Variants in DIAPH2 observed in about 807,000 individuals in gnomAD.
The protein encoded by DIAPH2 is diaphanous related formin 2, also known as protein diaphanous homolog 2.
DIAPH2 carries 35 observed loss-of-function variants against 92.7 expected under a neutral mutation model. The ratio of observed to expected loss-of-function variants is 0.38; its 90% CI spans 0.29 to 0.50. DIAPH2 has a LOEUF of 0.50. Ranked by LOEUF, DIAPH2 falls within the 20% of genes least tolerant of loss-of-function variation. DIAPH2 has a pLI of 0.94. For missense variants in DIAPH2, 701 were observed against 819.5 expected (o/e 0.86, Z 1.77); for synonymous variants, 301 against 280.4 (o/e 1.07, Z -0.73).
intron 17 of DIAPH2, among the ~76,000 whole-genome samples, chrX:97,059,558 A>G (rs1451820886): frequency 1.8e-5 from 2 of 112,308 alleles, no homozygotes; most frequent in Non-Finnish European, 3.8e-5. Flanking sequence ...ATAGTCTACT[A>G]TTGACCAAAA....
chrX:97,532,211 G>A (rs61288560), intron 26 of DIAPH2, among the ~76,000 whole-genome samples: 1 of 112,798 alleles, frequency 8.9e-6, no homozygotes, highest in Admixed American at 9.4e-5. Context: ...TTGCACAGAA[G>A]TACACTTAAA....
chrX:97,357,671 C>T (rs968066912), intron 24 of DIAPH2, among the ~76,000 whole-genome samples: 2 of 111,549 alleles, frequency 1.8e-5, no homozygotes, highest in African/African-American at 3.3e-5. Context: ...GTGCTGATCT[C>T]GAAGGATATG....
At chrX:97,020,083 C>T (rs994257543) in intron 17 of DIAPH2, among the ~76,000 whole-genome samples, 2 of 112,639 alleles carry the variant, frequency 1.8e-5, no homozygotes, top group African/African-American at 6.4e-5. Context: ...CTTGGCTATG[C>T]AGTGCTGCAG....
chrX:96,987,584 C>T (rs1480236999), intron 17 of DIAPH2, among the ~76,000 whole-genome samples: 3 of 111,201 alleles, frequency 2.7e-5, no homozygotes, highest in African/African-American at 3.3e-5. Flanking sequence ...TCAGGAATCT[C>T]CTAGGATCCA....
At chrX:97,453,524 A>G (rs936936632) in intron 26 of DIAPH2, among the ~76,000 whole-genome samples, 1 of 111,407 alleles carries the variant, frequency 9.0e-6, no homozygotes, top group Non-Finnish European at 1.9e-5. Context: ...CATTCTTTGA[A>G]CAAATATTTT....
chrX:97,075,551 A>T (rs1473267532), intron 19 of DIAPH2, among the ~76,000 whole-genome samples: 1 of 111,679 alleles, frequency 9.0e-6, no homozygotes, highest in Non-Finnish European at 1.9e-5. Context: ...ATACAATTAC[A>T]TGTACTTCAT....
intron 23 of DIAPH2, among the ~76,000 whole-genome samples, chrX:97,307,648 C>G (rs887916104): frequency 2.7e-5 from 3 of 110,750 alleles, no homozygotes; most frequent in Non-Finnish European, 5.7e-5. Flanking sequence ...GTGGCTCACT[C>G]CTATAATCCC....
chrX:97,154,232 G>A (rs1410913579), intron 22 of DIAPH2, among the ~76,000 whole-genome samples: 4 of 111,442 alleles, frequency 3.6e-5, no homozygotes, highest in South Asian at 3.7e-4. Context: ...TAGAAAAGGA[G>A]ACTGAGGCTC....
chrX:97,285,383 C>CAAAAAAA (rs11336007), intron 23 of DIAPH2, among the ~76,000 whole-genome samples: 10 of 38,121 alleles, frequency 2.6e-4, no homozygotes, highest in Non-Finnish European at 2.9e-4. Flanking sequence ...ACTAAAAATA[C>CAAAAAAA]AAAAAAAAAA....
At chrX:97,516,676 A>C (rs2147842310) in intron 26 of DIAPH2, among the ~76,000 whole-genome samples, 1 of 112,039 alleles carries the variant, frequency 8.9e-6, no homozygotes, top group Non-Finnish European at 1.9e-5. Context: ...TTGTCTGATT[A>C]TACCTGTGGC....
intron 5 of DIAPH2, among the ~76,000 whole-genome samples, chrX:96,908,879 G>A (rs962427967): frequency 4.5e-5 from 5 of 111,968 alleles, no homozygotes; most frequent in African/African-American, 9.7e-5. Context: ...GATTACAGGC[G>A]TGAGCCACCG....
intron 22 of DIAPH2, among the ~76,000 whole-genome samples, chrX:97,170,811 A>G (rs773756768): frequency 3.6e-5 from 4 of 111,432 alleles, no homozygotes; most frequent in African/African-American, 1.3e-4. Context: ...TTATAAATTC[A>G]TTTTCTAAAC....
intron 26 of DIAPH2, among the ~76,000 whole-genome samples, chrX:97,531,644 A>G (rs890071240): frequency 2.7e-4 from 30 of 112,119 alleles, no homozygotes; most frequent in African/African-American, 8.7e-4. Context: ...TCAGTGTTTT[A>G]CTGAAGTAAA....
intron 19 of DIAPH2, among the ~76,000 whole-genome samples, chrX:97,080,771 A>T (rs2066737676): frequency 9.0e-6 from 1 of 111,533 alleles, no homozygotes; most frequent in Admixed American, 9.6e-5. Context: ...GGGAAAAAAG[A>T]TTCTTCAACT....
intron 5 of DIAPH2, among the ~76,000 whole-genome samples, chrX:96,901,561 A>C (rs1428997723): frequency 9.7e-5 from 2 of 20,513 alleles, no homozygotes; most frequent in Non-Finnish European, 1.7e-4. Context: ...TTTTTTTTTG[A>C]GACAAGGGCA....
rs200739976 is a variant in DIAPH2, at chrX:96,962,430, C to CAT, written c.1936-2653_1936-2652dup. On this transcript the variant is annotated intron_variant, in intron 16 of 26. Coordinates refer to ENST00000324765, the MANE Select transcript of DIAPH2 (RefSeq NM_006729.5). ...ACATATATATATACACATATATATA[C>CAT]ATATATATATACATATATACACACA... is the stretch of plus-strand genomic sequence containing the variant. Among the ~76,000 whole-genome samples, 104 of 43,726 alleles carry CAT rather than the reference C, an allele frequency of 2.4e-3. 3 individuals are homozygous for CAT. In the South Asian group the frequency reaches 0.062, roughly 26 times the overall value. The allele number at this position is 43,726 out of a possible 115,157, so 38.0% of individuals were successfully genotyped here.
intron 26 of DIAPH2, among the ~76,000 whole-genome samples, chrX:97,520,586 A>G (rs2070983950): frequency 8.9e-6 from 1 of 112,418 alleles, no homozygotes; most frequent in Non-Finnish European, 1.9e-5. Flanking sequence ...ATCCTAATCT[A>G]TCCTTCATCT....
At chrX:97,352,500 A>G (rs988290110) in intron 24 of DIAPH2, among the ~76,000 whole-genome samples, 1 of 110,505 alleles carries the variant, frequency 9.0e-6, no homozygotes, top group African/African-American at 3.3e-5. Flanking sequence ...ATCAAGGTAT[A>G]TATAATTAGA....
chrX:97,598,520 G>GTGAT (rs2071570425), intron 26 of DIAPH2, among the ~76,000 whole-genome samples: 1 of 111,888 alleles, frequency 8.9e-6, no homozygotes, highest in Non-Finnish European at 1.9e-5. Context: ...TAAAACAGAG[G>GTGAT]TGATAATAAC....
Sources: gnomAD v4.1 joint callset for allele counts (sites outside exome capture counted in the v4.1 genomes callset) on GRCh38, gnomAD v4.1.1 for gene constraint, MANE v1.5 for transcripts, NCBI Gene and HGNC (gene_info 2026-07-23, HGNC 2026-07-21) for gene names.